LIMCH1: variants seen among roughly 807,000 people sequenced by gnomAD.
LIMCH1 encodes LIM and calponin homology domains 1.
A neutral mutation model predicts 176.5 loss-of-function variants in LIMCH1; 113 were observed. The ratio of observed to expected loss-of-function variants is 0.64; its 90% CI spans 0.55 to 0.75. The LOEUF is 0.75. LIMCH1 is among the 30% of genes least tolerant of loss of function. The probability of loss-of-function intolerance (pLI) is 0.00; values close to 1 mark genes in which losing one functional copy is unlikely to be tolerated. For missense variants in LIMCH1, 1,674 were observed against 1,814.9 expected (o/e 0.92, Z 1.41); for synonymous variants, 619 against 645.9 (o/e 0.96, Z 0.63).
intron 1 of LIMCH1, among the ~76,000 whole-genome samples, chr4:41,481,763 T>C (rs183318130): frequency 3.4e-4 from 52 of 152,194 alleles, no homozygotes; most frequent in Admixed American, 3.3e-3. Context: ...GTGCTGTTCA[T>C]TGATATGGAG....
At chr4:41,481,753 G>A (rs2154167737) in intron 1 of LIMCH1, among the ~76,000 whole-genome samples, 1 of 152,258 alleles carries the variant, frequency 6.6e-6, no homozygotes, top group African/African-American at 2.4e-5. Context: ...GGAGATGGTA[G>A]TGCTGTTCAT....
chr4:41,494,646 C>A (rs2071740241), intron 2 of LIMCH1: 3 of 1,277,020 alleles, frequency 2.3e-6, no homozygotes, highest in African/African-American at 3.0e-5. Flanking sequence ...ATTCAAAAAA[C>A]ATCATTAATA....
In LIMCH1 at chr4:41,659,933, T is replaced by C. The variant is rs544764853; in HGVS notation, c.3037-1487T>C. ...ACAATGTAAAATTACATTGATTTTG[T>C]TTTCCAATTACAGAAGTAATACATA... is the stretch of plus-strand genomic sequence containing the variant. On this transcript the variant is annotated intron_variant, in intron 18 of 31. Coordinates refer to ENST00000503057, the MANE Select transcript of LIMCH1 (RefSeq NM_001330672.2). 1.6e-4 allele frequency among the ~76,000 whole-genome samples: 24 copies of C among 152,276 alleles called. No individual in the cohort carries two copies. The South Asian group carries it at 4.8e-3, about 30-fold the overall frequency.
intron 1 of LIMCH1, among the ~76,000 whole-genome samples, chr4:41,461,388 C>T (rs2065350295): frequency 6.6e-6 from 1 of 152,150 alleles, no homozygotes; most frequent in Admixed American, 6.5e-5. Flanking sequence ...GAGGTTTTGC[C>T]TCATTTGATG....
intron 7 of LIMCH1, among the ~76,000 whole-genome samples, chr4:41,621,353 T>C (rs375671023): frequency 9.9e-5 from 15 of 152,180 alleles, no homozygotes; most frequent in East Asian, 5.8e-4. Context: ...TTCTGCACTC[T>C]TCTGTAGTGT....
chr4:41,398,538 A>C (rs2058054734), intron 1 of LIMCH1, among the ~76,000 whole-genome samples: 1 of 152,026 alleles, frequency 6.6e-6, no homozygotes, highest in African/African-American at 2.4e-5. Context: ...ATGGGGAGTG[A>C]GCAGTAAAAT....
intron 1 of LIMCH1, among the ~76,000 whole-genome samples, chr4:41,469,815 G>T (rs2154158436): frequency 6.6e-6 from 1 of 152,062 alleles, no homozygotes; most frequent in Middle Eastern, 3.4e-3. Context: ...CCGAGTAGCT[G>T]GGACTACAGG....
chr4:41,572,561 T>C (rs2083728903), intron 1 of LIMCH1, among the ~76,000 whole-genome samples: 1 of 152,062 alleles, frequency 6.6e-6, no homozygotes, highest in African/African-American at 2.4e-5. Flanking sequence ...AAAGCAAGGC[T>C]CTTAGTAGCA....
intron 1 of LIMCH1, among the ~76,000 whole-genome samples, chr4:41,476,415 G>A (rs573469496): frequency 1.2e-4 from 18 of 152,322 alleles, no homozygotes; most frequent in African/African-American, 4.3e-4. Flanking sequence ...GGAGGTGGAG[G>A]TAAGGAGAGC....
chr4:41,652,959 A>G (rs1289831571), intron 18 of LIMCH1, among the ~76,000 whole-genome samples: 3 of 152,114 alleles, frequency 2.0e-5, no homozygotes, highest in Non-Finnish European at 4.4e-5. Context: ...GTTCAGAGTA[A>G]TTTCTAGGTC....
intron 12 of LIMCH1, 67 bp downstream of exon 12, chr4:41,633,152 C>T (rs746783242): frequency 2.4e-5 from 27 of 1,146,580 alleles, no homozygotes; most frequent in Non-Finnish European, 3.0e-5. Flanking sequence ...GTCGTGTTCC[C>T]AAAAAAACAG....
chr4:41,537,478 A>G (rs901324326), upstream of LIMCH1, among the ~76,000 whole-genome samples: 37 of 152,236 alleles, frequency 2.4e-4, no homozygotes, highest in African/African-American at 8.0e-4. Context: ...CTGTAAACAC[A>G]TTAATCTCCC....
rs146414605 is a variant in LIMCH1, at chr4:41,479,944, G to T, written c.97-14592G>T. ...TGAAGTGGCAAATTTGCCTCAACTA[G>T]ATTTTCTCTCCGCTGGGCAGCTTTT... On this transcript the variant is annotated intron_variant, in intron 1 of 26. Coordinates refer to the LIMCH1 transcript ENST00000313860. Among the ~76,000 whole-genome samples, 89 of 152,220 alleles carry T rather than the reference G, an allele frequency of 5.8e-4. 1 individual carries two copies. Among genetic ancestry groups the T allele is most frequent in the Non-Finnish European group, 1.2e-3 (79 of 68,018 alleles).
chr4:41,676,973 G>T (rs1284897846), intron 23 of LIMCH1, among the ~76,000 whole-genome samples: 1 of 151,566 alleles, frequency 6.6e-6, no homozygotes, highest in Non-Finnish European at 1.5e-5. Context: ...GACCAGCCTG[G>T]CCAACATGAC....
chr4:41,591,753 G>A (rs2087613080), intron 1 of LIMCH1, among the ~76,000 whole-genome samples: 1 of 152,168 alleles, frequency 6.6e-6, no homozygotes, highest in African/African-American at 2.4e-5. Context: ...ACCCAAATGA[G>A]CATTCCCTTC....
chr4:41,450,426 C>G (rs2063736527), intron 1 of LIMCH1, among the ~76,000 whole-genome samples: 1 of 152,024 alleles, frequency 6.6e-6, no homozygotes, highest in Admixed American at 6.6e-5. Context: ...GTTGGCACTT[C>G]ATGAGCGTCT....
intron 1 of LIMCH1, among the ~76,000 whole-genome samples, chr4:41,378,103 C>T (rs138527586): frequency 4.6e-5 from 7 of 152,068 alleles, no homozygotes; most frequent in South Asian, 2.1e-4. Context: ...GGCTAGACCT[C>T]GAAGGGAACA....
At chr4:41,471,760 T>C (rs1022075607) in intron 1 of LIMCH1, among the ~76,000 whole-genome samples, 7 of 152,236 alleles carry the variant, frequency 4.6e-5, no homozygotes, top group African/African-American at 1.4e-4. Context: ...TGTATCTGTA[T>C]TGTGAGGCAG....
chr4:41,666,010 C>A (rs2094808989), intron 20 of LIMCH1, among the ~76,000 whole-genome samples: 1 of 152,192 alleles, frequency 6.6e-6, no homozygotes, highest in Admixed American at 6.5e-5. Context: ...CACTGTTCGA[C>A]AGTGGTTGTT....
Sources: allele counts gnomAD v4.1 joint callset (sites outside exome capture counted in the v4.1 genomes callset), GRCh38; gene constraint gnomAD v4.1.1; transcripts MANE v1.5; gene names NCBI Gene and HGNC (gene_info 2026-07-23, HGNC 2026-07-21).